STXBP6: variants seen among roughly 807,000 people sequenced by gnomAD.
STXBP6 encodes syntaxin-binding protein 6.
A neutral mutation model predicts 26.9 loss-of-function variants in STXBP6; 21 were observed. The ratio of observed to expected loss-of-function variants is 0.78; its 90% confidence interval spans 0.55 to 1.12. The LOEUF is 1.12. Among genes scored for constraint, STXBP6 ranks in the 50% most tolerant of loss-of-function variants. STXBP6 has a pLI of 0.00. For missense variants in STXBP6, 232 were observed against 257.9 expected (o/e 0.90, Z 0.69); for synonymous variants, 97 against 92.6 (o/e 1.05, Z -0.27).
intron 1 of STXBP6, among the ~76,000 whole-genome samples, chr14:24,984,948 G>A (rs1478266899): frequency 5.9e-5 from 9 of 152,154 alleles, no homozygotes; most frequent in East Asian, 1.9e-4. Context: ...AGAAAGGTAC[G>A]GAAAGGTGAG....
At chr14:24,913,129 C>A (rs2071634163) in intron 2 of STXBP6, among the ~76,000 whole-genome samples, 1 of 152,066 alleles carries the variant, frequency 6.6e-6, no homozygotes, top group African/African-American at 2.4e-5. Context: ...TTAAAGGATG[C>A]TGAAAAGGAA....
chr14:24,860,251 T>C (rs1400482227), intron 2 of STXBP6, among the ~76,000 whole-genome samples: 1 of 152,142 alleles, frequency 6.6e-6, no homozygotes, highest in Non-Finnish European at 1.5e-5. Flanking sequence ...AATCAGAGAA[T>C]TCTATTTAAT....
chr14:24,814,083 A>C (rs141766070), intron 5 of STXBP6, among the ~76,000 whole-genome samples: 21 of 152,330 alleles, frequency 1.4e-4, no homozygotes, highest in African/African-American at 4.8e-4. Context: ...TAACGCCAAT[A>C]GTCAGTCAAC....
chr14:25,022,032 C>T (rs1321788744), intron 1 of STXBP6, among the ~76,000 whole-genome samples: 1 of 152,150 alleles, frequency 6.6e-6, no homozygotes. Context: ...AGACAAAAAT[C>T]CTGATTTCTA....
At chr14:24,864,739 T>C (rs2139266796) in intron 2 of STXBP6, among the ~76,000 whole-genome samples, 1 of 152,330 alleles carries the variant, frequency 6.6e-6, no homozygotes, top group South Asian at 2.1e-4. Context: ...CTGTTATTAC[T>C]TGGCAAGCAT....
chr14:24,992,774 C>T (rs1354631257), intron 1 of STXBP6, among the ~76,000 whole-genome samples: 1 of 152,140 alleles, frequency 6.6e-6, no homozygotes, highest in Non-Finnish European at 1.5e-5. Flanking sequence ...GCACAGCATC[C>T]CAGCCCTATA....
At chr14:24,815,347 C>A (rs754517994) in intron 5 of STXBP6, among the ~76,000 whole-genome samples, 6 of 151,850 alleles carry the variant, frequency 4.0e-5, no homozygotes, top group Non-Finnish European at 8.8e-5. Context: ...ATGCATGTAA[C>A]CTACTCAACC....
At chr14:24,824,252 T>C (rs931358236) in intron 4 of STXBP6, among the ~76,000 whole-genome samples, 3 of 152,326 alleles carry the variant, frequency 2.0e-5, no homozygotes, top group African/African-American at 7.2e-5. Context: ...GTCCCAAAGC[T>C]ACTCAGTGTC....
chr14:24,987,943 CA>C (rs2074374833), intron 1 of STXBP6: 1 of 948,960 alleles, frequency 1.1e-6, no homozygotes, highest in Non-Finnish European at 1.3e-6. Context: ...AGAAGAGCAA[CA>C]AAGTACTTTC....
chr14:24,891,410 T>A (rs2070782231), intron 2 of STXBP6, among the ~76,000 whole-genome samples: 1 of 152,168 alleles, frequency 6.6e-6, no homozygotes, highest in South Asian at 2.1e-4. Context: ...AGCCTGAATG[T>A]CAAAAGACTA....
intron 2 of STXBP6, among the ~76,000 whole-genome samples, chr14:24,891,144 C>T (rs571482485): frequency 5.2e-4 from 79 of 152,250 alleles, no homozygotes; most frequent in African/African-American, 1.8e-3. Context: ...GCACAGATAA[C>T]TTTGGACAGT....
intron 2 of STXBP6, among the ~76,000 whole-genome samples, chr14:24,862,325 GTTTCT>G (rs1294919632): frequency 2.6e-5 from 4 of 152,210 alleles, no homozygotes; most frequent in East Asian, 3.9e-4. Context: ...AGGAAGGTCT[GTTTCT>G]TTTCTTTTCT....
chr14:24,892,132 C>T (rs1228071683), intron 2 of STXBP6, among the ~76,000 whole-genome samples: 1 of 152,098 alleles, frequency 6.6e-6, no homozygotes, highest in East Asian at 1.9e-4. Context: ...TAGTGTCTGT[C>T]TTGCTCCCCC....
At chr14:24,867,710 AAC>A (rs2069774569) in intron 2 of STXBP6, among the ~76,000 whole-genome samples, 1 of 152,208 alleles carries the variant, frequency 6.6e-6, no homozygotes, top group South Asian at 2.1e-4. Context: ...CTAAAATTAC[AAC>A]ACTTTTAGAA....
At chr14:24,971,218 C>T (rs968840836) in intron 2 of STXBP6, among the ~76,000 whole-genome samples, 1 of 152,042 alleles carries the variant, frequency 6.6e-6, no homozygotes, top group Non-Finnish European at 1.5e-5. Flanking sequence ...ATAAAATGTA[C>T]TAGATATTGG....
chr14:24,962,888 G>GA (rs34723086), intron 2 of STXBP6, among the ~76,000 whole-genome samples: 41,343 of 143,746 alleles, frequency 0.29, 6,541 homozygotes, highest in African/African-American at 0.45. Flanking sequence ...GGTGAAAACT[G>GA]AAAAAAAAAA....
intron 1 of STXBP6, among the ~76,000 whole-genome samples, chr14:24,999,957 G>A (rs752327578): frequency 2.6e-5 from 4 of 152,172 alleles, no homozygotes; most frequent in Non-Finnish European, 5.9e-5. Context: ...AATATGTTAG[G>A]TTGTTTTGGT....
At chr14:24,927,547 T>C (rs1315755458) in intron 2 of STXBP6, among the ~76,000 whole-genome samples, 1 of 152,268 alleles carries the variant, frequency 6.6e-6, no homozygotes. Flanking sequence ...TGTTTGTAAC[T>C]ATCATACTTT....
At chr14:25,036,390 G>A (rs993620450) in intron 1 of STXBP6, among the ~76,000 whole-genome samples, 2 of 152,044 alleles carry the variant, frequency 1.3e-5, no homozygotes, top group African/African-American at 4.8e-5. Flanking sequence ...TCTTTCTTCC[G>A]GACCCTTGGG....
Sources: allele counts gnomAD v4.1 joint callset (sites outside exome capture counted in the v4.1 genomes callset), GRCh38; gene constraint gnomAD v4.1.1; transcripts MANE v1.5; gene names NCBI Gene and HGNC (gene_info 2026-07-23, HGNC 2026-07-21).